Variants in CCND3 observed in about 807,000 individuals in gnomAD.
CCND3 encodes the protein G1/S-specific cyclin-D3.
In CCND3, 9 loss-of-function variants were observed where a neutral mutation model predicts 28.7. That is an observed-to-expected ratio of 0.31 (90% CI 0.19 to 0.55). The LOEUF (loss-of-function observed/expected upper bound fraction) is 0.55, where lower values mean the gene tolerates loss of function less well. Ranked by LOEUF, CCND3 falls within the 20% of genes least tolerant of loss-of-function variation. CCND3 has a pLI of 0.93. For missense variants in CCND3, 315 were observed against 385.8 expected (o/e 0.82, Z 1.54); for synonymous variants, 164 against 163.9 (o/e 1.00, Z 0.00).
intron 1 of CCND3, among the ~76,000 whole-genome samples, chr6:41,950,590 G>T (rs1196041966): frequency 3.9e-5 from 6 of 152,162 alleles, no homozygotes; most frequent in Non-Finnish European, 8.8e-5. Context: ...GGTCAATAAA[G>T]ATAGCTGTGG....
At position 41,941,069 on chromosome 6, in the gene CCND3, C is replaced by G; in HGVS notation, c.198+383G>C. 3 of 1,573,372 alleles carry G rather than the reference C, an allele frequency of 1.9e-6. No individual in the cohort carries two copies. The South Asian group carries it at 3.5e-5, about 18-fold the overall frequency. On this transcript the variant is annotated intron_variant, in intron 1 of 4. Coordinates refer to ENST00000372991, the MANE Select transcript of CCND3 (RefSeq NM_001760.5). The surrounding 1 kb of genome is among the most constrained non-coding windows in gnomAD (Gnocchi z 6.1). ...CCCCGCCAGAACCCCGCGAAAGACACAGGAACCGGCTCCCGGGCGGGGGCG... is the reference window on the plus strand; with the variant it reads ...CCCCGCCAGAACCCCGCGAAAGACAGAGGAACCGGCTCCCGGGCGGGGGCG...
At position 42,048,450 on chromosome 6, in the gene CCND3, A is replaced by G; in HGVS notation, c.-46+51T>C. ...CACCGATCCCCAACGCATGGTCTCCAGCCTGAGCTGACATCCCATCTACCC... is the reference window on the plus strand; with the variant it reads ...CACCGATCCCCAACGCATGGTCTCCGGCCTGAGCTGACATCCCATCTACCC... On this transcript the variant is annotated intron_variant, in intron 1 of 4. Coordinates refer to the CCND3 transcript ENST00000372988. The surrounding 1 kb of genome is among the most constrained non-coding windows in gnomAD (Gnocchi z 4.7). The G allele has an allele frequency of 6.6e-6, 3 of 457,810 alleles. No homozygotes were observed. The highest frequency in any genetic ancestry group is 1.3e-5 in the Non-Finnish European group (3 of 228,590). The allele number at this position is 457,810 out of a possible 1,614,324, so 28.4% of individuals were successfully genotyped here.
chr6:42,017,556 A>C (rs9471729), intron 1 of CCND3, among the ~76,000 whole-genome samples: 83 of 152,298 alleles, frequency 5.4e-4, no homozygotes, highest in African/African-American at 1.9e-3. Context: ...CATTGCATCC[A>C]GCACAAGATC....
chr6:42,002,291 C>A (rs1221539481), intron 1 of CCND3, among the ~76,000 whole-genome samples: 2 of 151,594 alleles, frequency 1.3e-5, no homozygotes, highest in African/African-American at 2.4e-5. Context: ...ACTGAAAATA[C>A]AAAAATTAGC....
intron 1 of CCND3, among the ~76,000 whole-genome samples, chr6:41,996,036 G>A (rs367658397): frequency 2.0e-5 from 3 of 149,790 alleles, no homozygotes; most frequent in African/African-American, 4.9e-5. Context: ...ATAGGAAGAC[G>A]GTAGAGGATT....
rs988545646 is a variant in CCND3, at chr6:41,938,157, C to G, written c.415-763G>C. The G allele has an allele frequency of 6.6e-6, 1 of 152,246 alleles. No homozygotes were observed. Among genetic ancestry groups the G allele is most frequent in the East Asian group, 1.9e-4 (1 of 5,196 alleles). The allele number at this position is 152,246 out of a possible 1,614,324, so 9.4% of individuals were successfully genotyped here. On this transcript the variant is annotated intron_variant, in intron 2 of 4. Transcript: ENST00000372991. The surrounding 1 kb of genome is among the most constrained non-coding windows in gnomAD (Gnocchi z 4.6). ...GGATCAAGCCCTATCCTCACCTACCCAAGCCTACCTGCCAGTACTAGGTCT... is the reference window on the plus strand; with the variant it reads ...GGATCAAGCCCTATCCTCACCTACCGAAGCCTACCTGCCAGTACTAGGTCT...
chr6:42,026,308 G>A (rs1763875885), intron 1 of CCND3, among the ~76,000 whole-genome samples: 1 of 151,656 alleles, frequency 6.6e-6, no homozygotes, highest in African/African-American at 2.4e-5. Flanking sequence ...GGAAAATATG[G>A]TGCTCCTCAA....
chr6:42,020,017 G>A (rs963669275), intron 1 of CCND3, among the ~76,000 whole-genome samples: 12 of 152,038 alleles, frequency 7.9e-5, no homozygotes, highest in Admixed American at 2.0e-4. Flanking sequence ...GGTGGCTCAC[G>A]CCTGTAATCC....
chr6:42,019,387 G>T (rs1032910014), intron 1 of CCND3, among the ~76,000 whole-genome samples: 1 of 151,226 alleles, frequency 6.6e-6, no homozygotes, highest in Admixed American at 6.6e-5. Context: ...TACTTGGGAG[G>T]CTGAGGCAGG....
chr6:41,985,168 C>T (rs990472467), intron 1 of CCND3, among the ~76,000 whole-genome samples: 4 of 151,992 alleles, frequency 2.6e-5, no homozygotes, highest in African/African-American at 9.7e-5. Flanking sequence ...TCCCATTTAT[C>T]CATTTTTGCT....
At chr6:41,961,754 T>C (rs1161935888) in intron 1 of CCND3, among the ~76,000 whole-genome samples, 1 of 151,838 alleles carries the variant, frequency 6.6e-6, no homozygotes, top group Non-Finnish European at 1.5e-5. Flanking sequence ...CACCCCAAAC[T>C]CCCAGCCCAC....
chr6:41,951,113 A>G (rs1561957930), intron 1 of CCND3, among the ~76,000 whole-genome samples: 1 of 152,112 alleles, frequency 6.6e-6, no homozygotes, highest in Non-Finnish European at 1.5e-5. Context: ...TTACCTCGGC[A>G]TTTGCAACAC....
At chr6:42,041,365 G>C (rs1377906873) in intron 1 of CCND3, among the ~76,000 whole-genome samples, 1 of 152,208 alleles carries the variant, frequency 6.6e-6, no homozygotes, top group East Asian at 1.9e-4. Flanking sequence ...GAAAAGATGG[G>C]AGTTCCCCCA....
intron 1 of CCND3, among the ~76,000 whole-genome samples, chr6:41,959,211 G>A (rs908230770): frequency 6.6e-6 from 1 of 152,158 alleles, no homozygotes; most frequent in Non-Finnish European, 1.5e-5. Context: ...CTATTCGGGA[G>A]GCTGAGGCAG....
chr6:42,027,365 G>A (rs902094791), intron 1 of CCND3, among the ~76,000 whole-genome samples: 4 of 151,818 alleles, frequency 2.6e-5, no homozygotes, highest in Non-Finnish European at 5.9e-5. Context: ...GCGTGAACGC[G>A]GGAGGCAGAG....
Position 42,008,985 on chromosome 6 carries a change from G to A in CCND3, c.-46+39516C>T, listed in dbSNP as rs982712488. Among the ~76,000 whole-genome samples the A allele has an allele frequency of 5.9e-5, 9 of 152,236 alleles. No individual in the cohort carries two copies. The South Asian group carries it at 8.3e-4, about 14-fold the overall frequency. On this transcript the variant is annotated intron_variant, in intron 1 of 4. Transcript: ENST00000372988. ...GGCTGCCCGTGGGAATAGGGAACAT[G>A]CAGACAGAGAGGGTCTTCTTTCCGC...
chr6:42,001,154 GA>G (rs1470678006), intron 1 of CCND3, among the ~76,000 whole-genome samples: 1 of 138,266 alleles, frequency 7.2e-6, no homozygotes, highest in African/African-American at 2.7e-5. Context: ...AGAATTGCTT[GA>G]ACCTAGGAGG....
chr6:42,039,713 A>G (rs757310740), intron 1 of CCND3, among the ~76,000 whole-genome samples: 26 of 152,312 alleles, frequency 1.7e-4, no homozygotes, highest in Middle Eastern at 3.4e-3. Flanking sequence ...AGCTCCCCAG[A>G]TAGGTTAGGG....
chr6:41,969,597 G>A (rs542132825), intron 1 of CCND3, among the ~76,000 whole-genome samples: 29 of 152,130 alleles, frequency 1.9e-4, no homozygotes, highest in Admixed American at 2.6e-4. Flanking sequence ...TTAGCTGGGC[G>A]TGGTGGCACG....
Sources: gnomAD v4.1 joint callset for allele counts (sites outside exome capture counted in the v4.1 genomes callset) on GRCh38, gnomAD v4.1.1 for gene constraint, Gnocchi (gnomAD v3.1) non-coding constraint, MANE v1.5 for transcripts, NCBI Gene and HGNC (gene_info 2026-07-23, HGNC 2026-07-21) for gene names.